Variants in ADAMTS3 observed in about 807,000 individuals in gnomAD.
The protein encoded by ADAMTS3 is A disintegrin and metalloproteinase with thrombospondin motifs 3.
ADAMTS3 carries 73 observed loss-of-function variants against 129.0 expected under a neutral mutation model. The observed-to-expected ratio is 0.57, with a 90% CI of 0.47 to 0.69. The LOEUF (loss-of-function observed/expected upper bound fraction) is 0.69. Among genes scored for constraint, ADAMTS3 ranks in the 30% least tolerant of loss-of-function variants. The pLI is 0.00. For missense variants in ADAMTS3, 1,457 were observed against 1,514.5 expected (o/e 0.96, Z 0.63); for synonymous variants, 477 against 510.8 (o/e 0.93, Z 0.89).
intron 3 of ADAMTS3, among the ~76,000 whole-genome samples, chr4:72,529,706 T>C (rs1246210923): frequency 8.6e-6 from 1 of 116,622 alleles, no homozygotes; most frequent in Non-Finnish European, 1.7e-5. Flanking sequence ...TATATTAATA[T>C]TAAATATAAT....
rs536662816 is a variant in ADAMTS3 at position 72,347,089 on chromosome 4, C to T, written c.662-7396G>A. On this transcript the variant is annotated intron_variant, in intron 4 of 21. Transcript: ENST00000286657. ...AGGAATATAACAATGTAGGTGTTTA[C>T]GGCTAGTATGAGAATAGTTGTTGGT... Among the ~76,000 whole-genome samples, 191 of 152,038 alleles carry T rather than the reference C, an allele frequency of 1.3e-3. 1 individual carries two copies. The highest frequency in any genetic ancestry group is 4.3e-3 in the African/African-American group (179 of 41,512).
chr4:72,303,850 G>A, intron 17 of ADAMTS3, 67 bp downstream of exon 17: 1 of 1,526,340 alleles, frequency 6.6e-7, no homozygotes, highest in Non-Finnish European at 9.0e-7. Flanking sequence ...AGGTAAAAGT[G>A]TTTTCAGATA....
intron 3 of ADAMTS3, among the ~76,000 whole-genome samples, chr4:72,427,920 T>C (rs2109942028): frequency 6.6e-6 from 1 of 152,110 alleles, no homozygotes; most frequent in Admixed American, 6.6e-5. Flanking sequence ...TATTGAAAAA[T>C]GTTAACGTAC....
chr4:72,325,747 A>C (rs1421090471), intron 5 of ADAMTS3, among the ~76,000 whole-genome samples: 1 of 152,188 alleles, frequency 6.6e-6, no homozygotes, highest in East Asian at 1.9e-4. Context: ...AGTGACAGCT[A>C]TACTGTAACA....
intron 2 of ADAMTS3, among the ~76,000 whole-genome samples, chr4:72,562,835 G>A (rs1244843544): frequency 2.6e-5 from 4 of 152,074 alleles, no homozygotes; most frequent in African/African-American, 4.8e-5. Flanking sequence ...TCTACTACAC[G>A]AACACTAAAG....
intron 3 of ADAMTS3, among the ~76,000 whole-genome samples, chr4:72,453,173 T>G (rs189507721): frequency 3.9e-5 from 6 of 151,908 alleles, no homozygotes; most frequent in African/African-American, 1.4e-4. Context: ...CTAAAAAACA[T>G]AGAGAAATTC....
intron 3 of ADAMTS3, among the ~76,000 whole-genome samples, chr4:72,519,474 C>T (rs1416792377): frequency 6.6e-6 from 1 of 152,216 alleles, no homozygotes. Context: ...TTCAGGTACA[C>T]AAATCAGACA....
chr4:72,506,345 C>A (rs1256845443), intron 3 of ADAMTS3, among the ~76,000 whole-genome samples: 1 of 152,168 alleles, frequency 6.6e-6, no homozygotes, highest in Non-Finnish European at 1.5e-5. Flanking sequence ...TCCAGGTTGT[C>A]AAGCTGGCCC....
rs75114750 is a variant in ADAMTS3 at position 72,416,873 on chromosome 4, C to T, written c.505-1902G>A. The stretch of plus-strand genomic sequence containing the variant: ...ATTAATTAATGTCCATAAAATACAT[C>T]CAAACTAAGCACAAACACAGTAAAT... On this transcript the variant is annotated intron_variant, in intron 3 of 21. Coordinates refer to ENST00000286657, the MANE Select transcript of ADAMTS3 (RefSeq NM_014243.3). Among the ~76,000 whole-genome samples, 1,121 of 152,204 alleles carry T rather than the reference C, an allele frequency of 7.4e-3. 9 individuals carry two copies. The highest frequency in any genetic ancestry group is 0.026 in the African/African-American group (1,083 of 41,520).
rs943457090 is a variant in ADAMTS3, at chr4:72,488,993, CT to C, written c.504+59484del. On this transcript the variant is annotated intron_variant, in intron 3 of 21. Transcript: ENST00000286657. Reference sequence around the variant, plus strand: ...TCTACTCTCCATTTCTATAAGTTGACTTTTTTATATTCCACATATAAGTGAG... The same window carrying C: ...TCTACTCTCCATTTCTATAAGTTGACTTTTTATATTCCACATATAAGTGAG... Among the ~76,000 whole-genome samples the C allele has an allele frequency of 4.6e-5, 7 of 152,026 alleles. No individual in the cohort carries two copies. The East Asian group carries it at 1.4e-3, about 29-fold the overall frequency.
At chr4:72,303,333 A>G (rs934528875) in intron 17 of ADAMTS3, among the ~76,000 whole-genome samples, 14 of 143,674 alleles carry the variant, frequency 9.7e-5, no homozygotes, top group African/African-American at 3.4e-4. Context: ...TTCTTTGATC[A>G]GCCCCCAAAC....
At chr4:72,549,553 C>T (rs1427601502) in intron 2 of ADAMTS3, among the ~76,000 whole-genome samples, 1 of 152,028 alleles carries the variant, frequency 6.6e-6, no homozygotes, top group Non-Finnish European at 1.5e-5. Context: ...CTCATTCTAT[C>T]CTACCATGCT....
chr4:72,322,560 C>T (rs910978081), intron 6 of ADAMTS3, among the ~76,000 whole-genome samples: 3 of 152,026 alleles, frequency 2.0e-5, no homozygotes, highest in Non-Finnish European at 2.9e-5. Flanking sequence ...TTGTTTTTAG[C>T]GAATCAAGAG....
At chr4:72,292,161 C>T (rs1358299465) in intron 19 of ADAMTS3, among the ~76,000 whole-genome samples, 1 of 152,224 alleles carries the variant, frequency 6.6e-6, no homozygotes, top group African/African-American at 2.4e-5. Flanking sequence ...GATTTCTTTA[C>T]ATAACCTTCT....
intron 4 of ADAMTS3, among the ~76,000 whole-genome samples, chr4:72,393,411 T>C (rs1024460226): frequency 1.3e-5 from 2 of 152,190 alleles, no homozygotes; most frequent in Non-Finnish European, 2.9e-5. Flanking sequence ...TTTGTTGTTT[T>C]AAATTTTTTC....
Position 72,309,436 on chromosome 4 carries a change from T to G in ADAMTS3, c.2140A>C (p.Thr714Pro). 1 of 1,612,200 alleles carries G rather than the reference T, an allele frequency of 6.2e-7. No individual in the cohort carries two copies. The highest frequency in any genetic ancestry group is 1.7e-4 in the Middle Eastern group (1 of 6,048). The change falls in exon 15 of 22, where the codon ACC becomes CCC. Residue 714 changes from threonine (T) to proline (P), a missense_variant. Physicochemically the swap from Thr to Pro is conservative, Grantham distance 38. Coordinates refer to ENST00000286657, the MANE Select transcript of ADAMTS3 (RefSeq NM_014243.3). ...GTTCTGGTAAATGTCCCCTTCACGG[T>G]TCGGCAGTGGGAATTATCTCCTCCA... ...VCGGDNSHCR[T>P]VKGTFTRTPR...
intron 17 of ADAMTS3, among the ~76,000 whole-genome samples, chr4:72,298,845 T>C (rs537696958): frequency 6.6e-6 from 1 of 151,898 alleles, no homozygotes; most frequent in African/African-American, 2.4e-5. Context: ...TTTAAATTTT[T>C]TGAATTTTTA....
chr4:72,383,591 T>A (rs969115380), intron 4 of ADAMTS3, among the ~76,000 whole-genome samples: 6 of 152,176 alleles, frequency 3.9e-5, no homozygotes, highest in Non-Finnish European at 8.8e-5. Context: ...ACTATATGTG[T>A]TCGAGGCGGA....
At chr4:72,542,368 G>A (rs370791801) in intron 3 of ADAMTS3, among the ~76,000 whole-genome samples, 4 of 151,942 alleles carry the variant, frequency 2.6e-5, no homozygotes, top group Non-Finnish European at 2.9e-5. Flanking sequence ...GTTTCACCAC[G>A]TTAGCCAGGA....
Sources: allele counts gnomAD v4.1 joint callset (sites outside exome capture counted in the v4.1 genomes callset), GRCh38; gene constraint gnomAD v4.1.1; transcripts MANE v1.5; gene names NCBI Gene and HGNC (gene_info 2026-07-23, HGNC 2026-07-21).